The following CLDN14 variants were observed in gnomAD, a reference collection of about 807,000 sequenced individuals.
CLDN14 encodes claudin 14, also known as claudin-14.
CLDN14 carries 2 observed loss-of-function variants against 2.1 expected under a neutral mutation model. The ratio of observed to expected loss-of-function variants is 0.96; its 90% CI spans 0.39 to 3.01. CLDN14 has a LOEUF of 3.01. Ranked by LOEUF, CLDN14 falls within the 30% of genes most tolerant of loss-of-function variation. The pLI, the probability that CLDN14 is intolerant of heterozygous loss-of-function variation, is 0.09. For synonymous variants in CLDN14, 136 were observed against 154.4 expected (o/e 0.88, Z 0.88); for missense variants, 298 against 328.0 (o/e 0.91, Z 0.71).
intron 1 of CLDN14, among the ~76,000 whole-genome samples, chr21:36,539,090 T>C (rs1419354438): frequency 1.3e-5 from 2 of 152,256 alleles, no homozygotes; most frequent in African/African-American, 2.4e-5. Flanking sequence ...GTCTCTGTTG[T>C]AACCCCCGCC....
At chr21:36,461,827 A>G (rs2086582079) in intron 1 of CLDN14, 51 bp from the exon 2 acceptor site, 2 of 1,237,360 alleles carry the variant, frequency 1.6e-6, no homozygotes, top group East Asian at 5.1e-5. Flanking sequence ...AATGGGTTAA[A>G]GATTATCTCA....
upstream of CLDN14, among the ~76,000 whole-genome samples, chr21:36,485,108 GGC>G (rs1156375674): frequency 3.3e-5 from 5 of 151,558 alleles, no homozygotes; most frequent in African/African-American, 1.2e-4. Context: ...CAGAAGGTAG[GGC>G]TTCAATATGC....
intron 1 of CLDN14, among the ~76,000 whole-genome samples, chr21:36,520,781 A>G (rs1430073375): frequency 2.0e-5 from 3 of 152,090 alleles, no homozygotes; most frequent in Non-Finnish European, 2.9e-5. Flanking sequence ...CCATACTTCT[A>G]AGCAATCCAC....
At chr21:36,476,493 C>T (rs2086781223) in intron 1 of CLDN14, among the ~76,000 whole-genome samples, 1 of 151,112 alleles carries the variant, frequency 6.6e-6, no homozygotes, top group Non-Finnish European at 1.5e-5. Context: ...CACTTTGTCA[C>T]CCAGGCCGGA....
intron 1 of CLDN14, among the ~76,000 whole-genome samples, chr21:36,531,414 C>T (rs113443719): frequency 0.01 from 1,576 of 151,688 alleles, 32 homozygotes; most frequent in African/African-American, 0.036. Flanking sequence ...ATTACAGGCA[C>T]GCACCACCAC....
At chr21:36,546,809 T>C (rs2087528749) in intron 1 of CLDN14, among the ~76,000 whole-genome samples, 2 of 152,248 alleles carry the variant, frequency 1.3e-5, no homozygotes. Flanking sequence ...CCAAATTCTT[T>C]TTCTAATGAG....
At chr21:36,513,021 C>T (rs1187664110) in intron 1 of CLDN14, among the ~76,000 whole-genome samples, 2 of 152,214 alleles carry the variant, frequency 1.3e-5, no homozygotes, top group South Asian at 2.1e-4. Context: ...ACCTCACAAA[C>T]TCTGCTGCCG....
upstream of CLDN14, among the ~76,000 whole-genome samples, chr21:36,484,457 C>T (rs1347372913): frequency 6.6e-6 from 1 of 152,128 alleles, no homozygotes; most frequent in Non-Finnish European, 1.5e-5. Flanking sequence ...TGTTGCCTTG[C>T]AGTTCTGAAG....
chr21:36,530,233 G>A (rs2087368517), intron 1 of CLDN14, among the ~76,000 whole-genome samples: 1 of 151,944 alleles, frequency 6.6e-6, no homozygotes, highest in African/African-American at 2.4e-5. Flanking sequence ...GCCACAGACC[G>A]TGCTGTACAA....
intron 1 of CLDN14, among the ~76,000 whole-genome samples, chr21:36,562,661 T>C (rs2087644072): frequency 1.3e-5 from 2 of 151,728 alleles, no homozygotes. Flanking sequence ...CACCCTTATC[T>C]TTAAAATATT....
chr21:36,549,353 G>A (rs929587899), intron 1 of CLDN14, among the ~76,000 whole-genome samples: 1 of 151,926 alleles, frequency 6.6e-6, no homozygotes, highest in Non-Finnish European at 1.5e-5. Context: ...GCCAAAAGTG[G>A]TAGACATGTA....
At chr21:36,462,418 C>T (rs1234337330) in intron 1 of CLDN14, among the ~76,000 whole-genome samples, 2 of 152,104 alleles carry the variant, frequency 1.3e-5, no homozygotes, top group Non-Finnish European at 2.9e-5. Flanking sequence ...CCAGCACGGA[C>T]CTCCGCTCCC....
At chr21:36,509,094 A>C (rs2146482931) in intron 2 of CLDN14, among the ~76,000 whole-genome samples, 1 of 152,366 alleles carries the variant, frequency 6.6e-6, no homozygotes, top group East Asian at 1.9e-4. Context: ...CAATAGTTTA[A>C]ACAGTGTCAA....
In CLDN14 at chr21:36,515,134, T is replaced by C. The variant is rs141407166; in HGVS notation, c.-219-4634A>G. Among the ~76,000 whole-genome samples, 1,246 of 152,292 alleles carry C rather than the reference T, an allele frequency of 8.2e-3. 7 individuals are homozygous for C. The highest frequency in any genetic ancestry group is 0.014 in the Non-Finnish European group (966 of 68,028). On this transcript the variant is annotated intron_variant, in intron 1 of 2. Coordinates refer to the CLDN14 transcript ENST00000342108. ...GGGATGTAAGATGGTGCACCGACTA[T>C]GGAAACAGTAGGGAGGTTCTTCCAA...
chr21:36,482,885 C>A (rs2146452036), upstream of CLDN14, among the ~76,000 whole-genome samples: 1 of 152,320 alleles, frequency 6.6e-6, no homozygotes, highest in Middle Eastern at 3.4e-3. Context: ...TCACAATTGT[C>A]CTGAACACAA....
At chr21:36,478,245 C>G (rs115850652) in intron 1 of CLDN14, among the ~76,000 whole-genome samples, 2,267 of 152,294 alleles carry the variant, frequency 0.015, 61 homozygotes, top group African/African-American at 0.051. Context: ...GCATTGAACC[C>G]TTTATACAGA....
At position 36,566,325 on chromosome 21, in the gene CLDN14, T is replaced by C. The variant is rs181326109; in HGVS notation, c.-220+10086A>G. On this transcript the variant is annotated intron_variant, in intron 1 of 2. Coordinates refer to the CLDN14 transcript ENST00000342108. Reference sequence around the variant, plus strand: ...GCACTCAGTCAACAGTAAGAGTTTGTTAAAGAAATAGAAACCAGTAAATAT... The same window carrying C: ...GCACTCAGTCAACAGTAAGAGTTTGCTAAAGAAATAGAAACCAGTAAATAT... Among the ~76,000 whole-genome samples, 6 of 152,356 alleles carry C rather than the reference T, an allele frequency of 3.9e-5. No homozygotes were observed. In the East Asian group the frequency reaches 1.2e-3, roughly 29 times the overall value.
rs952524648 is a variant in CLDN14 at position 36,569,272 on chromosome 21, C to T, written c.-220+7139G>A. Among the ~76,000 whole-genome samples the T allele has an allele frequency of 3.3e-5, 5 of 152,050 alleles. 1 individual carries two copies. The highest frequency in any genetic ancestry group is 3.3e-4 in the Admixed American group (5 of 15,252). On this transcript the variant is annotated intron_variant, in intron 1 of 2. Transcript: ENST00000342108. ...CTCTACTAAAAATACAAAAATTAGC[C>T]AGGCATGGTGGTGCATGTCTGTAGT...
chr21:36,521,140 C>T (rs1272150884), intron 1 of CLDN14, among the ~76,000 whole-genome samples: 1 of 152,104 alleles, frequency 6.6e-6, no homozygotes, highest in Non-Finnish European at 1.5e-5. Flanking sequence ...AAAAATTTGG[C>T]TCTGACCACA....
Sources: allele counts gnomAD v4.1 joint callset (sites outside exome capture counted in the v4.1 genomes callset), GRCh38; gene constraint gnomAD v4.1.1; transcripts MANE v1.5; gene names NCBI Gene and HGNC (gene_info 2026-07-23, HGNC 2026-07-21).